Variants in JAKMIP2 observed in about 807,000 individuals in gnomAD.
The protein encoded by JAKMIP2 is janus kinase and microtubule-interacting protein 2.
A neutral mutation model predicts 115.0 loss-of-function variants in JAKMIP2; 25 were observed. That is an observed-to-expected ratio of 0.22 (90% CI 0.16 to 0.30). The LOEUF is 0.30. JAKMIP2 is among the 10% of genes least tolerant of loss of function. JAKMIP2 has a pLI of 1.00. For synonymous variants in JAKMIP2, 334 were observed against 343.6 expected (o/e 0.97, Z 0.31); for missense variants, 642 against 957.6 (o/e 0.67, Z 4.35).
At chr5:147,721,374 C>T (rs1292693877) in intron 1 of JAKMIP2, among the ~76,000 whole-genome samples, 3 of 152,224 alleles carry the variant, frequency 2.0e-5, no homozygotes, top group Middle Eastern at 3.2e-3. Context: ...TGGTGGGCTC[C>T]GCCCAGTTGG....
chr5:147,601,140 G>A (rs1026198813), intron 21 of JAKMIP2, among the ~76,000 whole-genome samples: 2 of 152,142 alleles, frequency 1.3e-5, no homozygotes, highest in African/African-American at 4.8e-5. Flanking sequence ...CACAGACATT[G>A]TGACTTCCCA....
intron 1 of JAKMIP2, among the ~76,000 whole-genome samples, chr5:147,704,022 T>G (rs2126894232): frequency 6.6e-6 from 1 of 152,204 alleles, no homozygotes; most frequent in East Asian, 1.9e-4. Flanking sequence ...GTCTTCCATC[T>G]CCACAGCCTG....
In JAKMIP2 at chr5:147,640,740, G is replaced by T; in HGVS notation, c.1365C>A (p.Asp455Glu). 1 of 1,613,698 alleles carries T rather than the reference G, an allele frequency of 6.2e-7. No homozygotes were observed. Among genetic ancestry groups the T allele is most frequent in the South Asian group, 1.1e-5 (1 of 91,060 alleles). ...CATCATCAGGAGTAGCTGGTGTTCT[G>T]TCTGTTCTAAATGAGGCCATGGATG... is the stretch of plus-strand genomic sequence containing the variant. ...ETSSMASFRT[D>E]RTPATPDDDL... is the part of the protein sequence containing the mutation. The change falls in exon 9 of 22, where the codon GAC becomes GAA. Residue 455 changes from aspartate (D) to glutamate (E), a missense_variant. Asp to Glu is a conservative substitution (Grantham distance 45). Transcript: ENST00000616793.
At chr5:147,620,871 T>A (rs528956201) in intron 17 of JAKMIP2, 128 bp from the exon 18 acceptor site, 33 of 645,044 alleles carry the variant, frequency 5.1e-5, no homozygotes, top group Middle Eastern at 3.8e-4. Flanking sequence ...AGTCATAAAT[T>A]TTGTCTGTTA....
chr5:147,643,967 G>T (rs1468653781), intron 7 of JAKMIP2, 91 bp downstream of exon 7: 3 of 1,117,702 alleles, frequency 2.7e-6, no homozygotes, highest in Non-Finnish European at 3.7e-6. Flanking sequence ...GGCCTCTGGG[G>T]TTAAACTAAA....
chr5:147,612,960 G>A (rs1296892182), intron 19 of JAKMIP2, among the ~76,000 whole-genome samples: 1 of 151,994 alleles, frequency 6.6e-6, no homozygotes, highest in African/African-American at 2.4e-5. Flanking sequence ...AAATAGAATT[G>A]GTAAATTCAC....
At chr5:147,779,760 T>G (rs1755690346) in intron 1 of JAKMIP2, among the ~76,000 whole-genome samples, 3 of 152,102 alleles carry the variant, frequency 2.0e-5, no homozygotes, top group Non-Finnish European at 4.4e-5. Context: ...ATGTACTCTC[T>G]CAAATAAATG....
intron 21 of JAKMIP2, among the ~76,000 whole-genome samples, chr5:147,595,174 G>T (rs1455329277): frequency 6.6e-6 from 1 of 152,184 alleles, no homozygotes; most frequent in African/African-American, 2.4e-5. Context: ...AAAATAATGG[G>T]TGCTATTACT....
intron 18 of JAKMIP2, among the ~76,000 whole-genome samples, chr5:147,620,158 G>A (rs1208861937): frequency 1.3e-5 from 2 of 152,074 alleles, no homozygotes; most frequent in Admixed American, 6.6e-5. Context: ...ACAGTGGCAC[G>A]ATCACAACTC....
At chr5:147,650,236 T>C in intron 4 of JAKMIP2, 102 bp downstream of exon 4, 1 of 751,264 alleles carries the variant, frequency 1.3e-6, no homozygotes, top group Non-Finnish European at 2.3e-6. Flanking sequence ...GTAGATTGAT[T>C]TCTTTGTAGT....
Position 147,587,582 on chromosome 5 carries a change from C to G in JAKMIP2, c.*4125G>C, listed in dbSNP as rs1003635240. ...AATTATTTAAACATCAACACAAAAC[C>G]AATGAATATTCTTTTTACAGTTTCT... On this transcript the variant is annotated 3_prime_UTR_variant, in exon 22 of 22. Coordinates refer to ENST00000616793, the MANE Select transcript of JAKMIP2 (RefSeq NM_001270941.2). 4.6e-5 allele frequency: 7 copies of G among 152,020 alleles called. No homozygotes were observed. In the South Asian group the frequency reaches 6.2e-4, roughly 14 times the overall value. 9.4% of individuals were successfully genotyped at this position (152,020 alleles called of 1,614,324 possible).
intron 21 of JAKMIP2, chr5:147,595,503 G>A (rs918800770): frequency 1.1e-5 from 5 of 455,730 alleles, no homozygotes; most frequent in Admixed American, 7.0e-5. Context: ...CACCAAACCT[G>A]CTGGTGCCTC....
At chr5:147,704,973 C>CA (rs1482837104) in intron 1 of JAKMIP2, among the ~76,000 whole-genome samples, 4 of 152,144 alleles carry the variant, frequency 2.6e-5, no homozygotes, top group African/African-American at 9.7e-5. Context: ...AAGGTACAAG[C>CA]AAACATCTGC....
chr5:147,714,609 C>T (rs1471618992), intron 1 of JAKMIP2, among the ~76,000 whole-genome samples: 1 of 152,052 alleles, frequency 6.6e-6, no homozygotes, highest in Non-Finnish European at 1.5e-5. Flanking sequence ...CATATCTATC[C>T]GTGGAGTCAA....
In JAKMIP2 at chr5:147,644,894, T is replaced by G. The variant is rs763672214; in HGVS notation, c.1039A>C (p.Met347Leu). 6.2e-7 allele frequency: 1 copy of G among 1,613,912 alleles called. No individual in the cohort carries two copies. The change falls in exon 6 of 22, where the codon ATG becomes CTG. Residue 347 changes from methionine (M) to leucine (L), a missense_variant. Met to Leu is a conservative substitution (Grantham distance 15). Transcript: ENST00000616793. Reference sequence around the variant, plus strand: ...GTAACGGCTTTTAGTTTTTCTTCCATGCGCTGCAAGGACACCATCAGTTCA... The same window carrying G: ...GTAACGGCTTTTAGTTTTTCTTCCAGGCGCTGCAAGGACACCATCAGTTCA... ...NDELMVSLQRMEEKLKAVTKE... is the reference protein window; with the variant it reads ...NDELMVSLQRLEEKLKAVTKE...
intron 1 of JAKMIP2, among the ~76,000 whole-genome samples, chr5:147,762,434 A>T (rs911588862): frequency 3.3e-5 from 5 of 152,150 alleles, no homozygotes; most frequent in Admixed American, 6.6e-5. Context: ...ACATAAATTT[A>T]TCTTCTCACA....
chr5:147,612,409 G>T, intron 19 of JAKMIP2, 38 bp from the exon 20 acceptor site: 1 of 1,227,642 alleles, frequency 8.1e-7, no homozygotes, highest in African/African-American at 1.5e-5. Context: ...GCATCAGTAG[G>T]TGGTAAGTTG....
At chr5:147,635,412 A>AT (rs200316057) in intron 12 of JAKMIP2, among the ~76,000 whole-genome samples, 2,660 of 152,040 alleles carry the variant, frequency 0.017, 92 homozygotes, top group African/African-American at 0.061. Context: ...AAAATCTTTC[A>AT]TTAAAAAAAA....
intron 1 of JAKMIP2, among the ~76,000 whole-genome samples, chr5:147,702,668 GAGAAA>G (rs1752417680): frequency 9.8e-6 from 1 of 102,102 alleles, no homozygotes; most frequent in Admixed American, 1.1e-4. Flanking sequence ...AAGAAAGAGA[GAGAAA>G]GAAAGAGAAA....
Sources: gnomAD v4.1 joint callset for allele counts (sites outside exome capture counted in the v4.1 genomes callset) on GRCh38, gnomAD v4.1.1 for gene constraint, MANE v1.5 for transcripts, NCBI Gene and HGNC (gene_info 2026-07-23, HGNC 2026-07-21) for gene names.